AURKA: variants seen among roughly 807,000 people sequenced by gnomAD.
AURKA encodes the protein aurora kinase A, also known as aurora 2.
In AURKA, 12 loss-of-function variants were observed where a neutral mutation model predicts 40.9. The ratio of observed to expected loss-of-function variants is 0.29; its 90% confidence interval spans 0.19 to 0.48. The LOEUF (loss-of-function observed/expected upper bound fraction) is 0.48. AURKA is among the 20% of genes least tolerant of loss of function. The pLI is 0.99. For missense variants in AURKA, 322 were observed against 462.1 expected (o/e 0.70, Z 2.78); for synonymous variants, 170 against 164.3 (o/e 1.03, Z -0.26).
At chr20:56,390,360 G>A (rs1392481625) in intron 1 of AURKA, among the ~76,000 whole-genome samples, 1 of 149,722 alleles carries the variant, frequency 6.7e-6, no homozygotes, top group Non-Finnish European at 1.5e-5. Context: ...AGGCTGGAGT[G>A]CAATGGCGCA....
At chr20:56,386,982 G>A (rs1048279274) in intron 2 of AURKA, among the ~76,000 whole-genome samples, 1 of 152,046 alleles carries the variant, frequency 6.6e-6, no homozygotes, top group Non-Finnish European at 1.5e-5. Flanking sequence ...TCTTCATGAA[G>A]TTTTAGAAGA....
In AURKA at chr20:56,384,411, C is replaced by A. The variant is rs546355557; in HGVS notation, c.320-87G>T. 9.3e-4 allele frequency: 907 copies of A among 972,760 alleles called. 6 individuals are homozygous for A. Among genetic ancestry groups the A allele is most frequent in the South Asian group, 7.7e-3 (541 of 69,942 alleles). 60.3% of individuals were successfully genotyped at this position (972,760 alleles called of 1,614,324 possible). A position where few individuals can be genotyped will look rare whatever the true frequency, so the allele number is the denominator to read the frequency against. ...AATAGAGGTGAATCAAAGAATTGGT[C>A]ACCAAAATATTAATGGTATGTCAAG... is the stretch of plus-strand genomic sequence containing the variant. On this transcript the variant is annotated intron_variant, in intron 3 of 8. Coordinates refer to ENST00000395915, the MANE Select transcript of AURKA (RefSeq NM_198437.3).
intron 7 of AURKA, among the ~76,000 whole-genome samples, chr20:56,371,719 G>A (rs1018458476): frequency 6.6e-6 from 1 of 151,562 alleles, no homozygotes; most frequent in Non-Finnish European, 1.5e-5. Flanking sequence ...GGCTTTGGTT[G>A]AGTTCTGATT....
intron 2 of AURKA, 64 bp downstream of exon 2, chr20:56,388,092 C>CTGA (rs1426555006): frequency 5.6e-5 from 6 of 106,932 alleles, no homozygotes; most frequent in East Asian, 2.1e-4. Flanking sequence ...GAAAGAATTC[C>CTGA]CGACAAGACC....
chr20:56,372,222 A>G (rs1984342772), intron 7 of AURKA, among the ~76,000 whole-genome samples: 1 of 152,152 alleles, frequency 6.6e-6, no homozygotes, highest in Non-Finnish European at 1.5e-5. Flanking sequence ...ACAGTCACTC[A>G]CCACTGAATT....
chr20:56,369,431 C>G lies in AURKA; in HGVS notation c.*727G>C, dbSNP rs1006419956. On this transcript the variant is annotated 3_prime_UTR_variant, in exon 9 of 9. Transcript: ENST00000395915. ...TATTTGCATATTTAAAGTTTACACACATGCTATGACTCCAATGTTTTAAAA... is the reference window on the plus strand; with the variant it reads ...TATTTGCATATTTAAAGTTTACACAGATGCTATGACTCCAATGTTTTAAAA... 3 of 233,554 alleles carry G rather than the reference C, an allele frequency of 1.3e-5. No homozygotes were observed. The highest frequency in any genetic ancestry group is 6.6e-5 in the African/African-American group (3 of 45,226). The allele number at this position is 233,554 out of a possible 1,614,324, so 14.5% of individuals were successfully genotyped here.
At chr20:56,385,265 T>C (rs996267305) in intron 3 of AURKA, among the ~76,000 whole-genome samples, 4 of 152,114 alleles carry the variant, frequency 2.6e-5, no homozygotes, top group Non-Finnish European at 4.4e-5. Context: ...GTTACGAAGA[T>C]TGAAAGAGAT....
At chr20:56,384,229 C>T (rs202080433) in intron 4 of AURKA, 41 bp downstream of exon 4, 2 of 1,515,008 alleles carry the variant, frequency 1.3e-6, no homozygotes, top group African/African-American at 2.7e-5. Context: ...ATAATATATT[C>T]TAGTAGAACA....
At chr20:56,389,527 CTT>C (rs1185031161) in intron 1 of AURKA, among the ~76,000 whole-genome samples, 2 of 152,190 alleles carry the variant, frequency 1.3e-5, no homozygotes, top group African/African-American at 4.8e-5. Flanking sequence ...CATCCAGTCT[CTT>C]TGCTTTCAGT....
chr20:56,377,878 A>C (rs980276727), intron 6 of AURKA, among the ~76,000 whole-genome samples: 9 of 152,228 alleles, frequency 5.9e-5, no homozygotes, highest in African/African-American at 2.2e-4. Flanking sequence ...GAATAACTAA[A>C]ATGCAAAACA....
At chr20:56,385,046 T>C (rs1986184536) in intron 3 of AURKA, among the ~76,000 whole-genome samples, 2 of 152,300 alleles carry the variant, frequency 1.3e-5, no homozygotes, top group East Asian at 1.9e-4. Flanking sequence ...ACTCAATTAA[T>C]ATCAATCTAA....
intron 7 of AURKA, among the ~76,000 whole-genome samples, chr20:56,371,692 G>A (rs1382654219): frequency 6.6e-6 from 1 of 151,272 alleles, no homozygotes; most frequent in Non-Finnish European, 1.5e-5. Flanking sequence ...CACATAGACA[G>A]TCCAATACAA....
rs1377907944 is a variant in AURKA, at chr20:56,370,570, A to G, written c.944T>C (p.Leu315Pro). 1 of 1,614,220 alleles carries G rather than the reference A, an allele frequency of 6.2e-7. No individual in the cohort carries two copies. The highest frequency in any genetic ancestry group is 1.1e-5 in the South Asian group (1 of 91,088). The change falls in exon 8 of 9, where the codon CTT becomes CCT. Residue 315 changes from leucine (L) to proline (P), a missense_variant. Transcript: ENST00000395915. ...TAAAAATTCATAGCAAAGAACTCCAAGGCTCCAGAGATCCACCTTCTCATC... is the reference window on the plus strand; with the variant it reads ...TAAAAATTCATAGCAAAGAACTCCAGGGCTCCAGAGATCCACCTTCTCATC... The part of the protein sequence containing the change: ...MHDEKVDLWS[L>P]GVLCYEFLVG...
chr20:56,371,952 C>T (rs1463727893), intron 7 of AURKA, among the ~76,000 whole-genome samples: 1 of 152,164 alleles, frequency 6.6e-6, no homozygotes, highest in Non-Finnish European at 1.5e-5. Context: ...GCAGATGCAG[C>T]CCTTCTGACT....
intron 7 of AURKA, among the ~76,000 whole-genome samples, chr20:56,371,455 T>C (rs1464661154): frequency 2.8e-5 from 4 of 144,560 alleles, no homozygotes; most frequent in African/African-American, 5.0e-5. Context: ...AGCGAGACTC[T>C]GTCTCAAAAA....
At chr20:56,374,691 C>T (rs1428419371) in intron 6 of AURKA, among the ~76,000 whole-genome samples, 2 of 152,210 alleles carry the variant, frequency 1.3e-5, no homozygotes, top group East Asian at 3.9e-4. Flanking sequence ...CCATCTCAGC[C>T]TCACAACGTG....
intron 7 of AURKA, among the ~76,000 whole-genome samples, chr20:56,371,184 T>C (rs146106661): frequency 1.1e-3 from 163 of 152,214 alleles, no homozygotes; most frequent in East Asian, 2.3e-3. Flanking sequence ...TTAACCTGGC[T>C]GGGTGCAGTG....
At chr20:56,388,502 AC>A in intron 1 of AURKA, 1 of 423,288 alleles carries the variant, frequency 2.4e-6, no homozygotes, top group Non-Finnish European at 4.3e-6. Context: ...CTACTGGCAT[AC>A]CTGCTACCTT....
At position 56,369,437 on chromosome 20, in the gene AURKA, A is replaced by G. The variant is rs1016030587; in HGVS notation, c.*721T>C. The G allele has an allele frequency of 3.0e-5, 7 of 234,324 alleles. No individual in the cohort carries two copies. The highest frequency in any genetic ancestry group is 6.1e-5 in the East Asian group (1 of 16,412). The allele number at this position is 234,324 out of a possible 1,614,324, so 14.5% of individuals were successfully genotyped here. ...CATATTTAAAGTTTACACACATGCT[A>G]TGACTCCAATGTTTTAAAAAAATAA... On this transcript the variant is annotated 3_prime_UTR_variant, in exon 9 of 9. Coordinates refer to ENST00000395915, the MANE Select transcript of AURKA (RefSeq NM_198437.3).
Sources: allele counts gnomAD v4.1 joint callset (sites outside exome capture counted in the v4.1 genomes callset), GRCh38; gene constraint gnomAD v4.1.1; transcripts MANE v1.5; gene names NCBI Gene and HGNC (gene_info 2026-07-23, HGNC 2026-07-21).